The following BPTF variants were observed in gnomAD, a reference collection of about 807,000 sequenced individuals.
BPTF encodes the protein nucleosome-remodeling factor subunit BPTF.
In BPTF, 18 loss-of-function variants were observed where a neutral mutation model predicts 292.5. That is an observed-to-expected ratio of 0.06 (90% CI 0.04 to 0.09). The LOEUF is 0.09. Among genes scored for constraint, BPTF ranks in the 10% least tolerant of loss-of-function variants. The probability of loss-of-function intolerance (pLI) is 1.00; values close to 1 mark genes in which losing one functional copy is unlikely to be tolerated. For synonymous variants in BPTF, 1,225 were observed against 1,251.9 expected (o/e 0.98, Z 0.45); for missense variants, 2,726 against 3,498.7 (o/e 0.78, Z 5.57).
At chr17:67,891,152 A>G (rs911614322) in intron 4 of BPTF, among the ~76,000 whole-genome samples, 7 of 152,094 alleles carry the variant, frequency 4.6e-5, no homozygotes, top group African/African-American at 1.7e-4. Flanking sequence ...ACTGCACTCC[A>G]GCCTGAGCAA....
intron 24 of BPTF, 57 bp downstream of exon 24, chr17:67,959,932 G>A: frequency 7.8e-7 from 1 of 1,281,568 alleles, no homozygotes; most frequent in Non-Finnish European, 1.1e-6. Flanking sequence ...CTATTAAATT[G>A]GATTTTGAAG....
intron 1 of BPTF, among the ~76,000 whole-genome samples, chr17:67,842,815 G>A (rs1368561926): frequency 3.1e-5 from 2 of 64,816 alleles, no homozygotes; most frequent in East Asian, 1.4e-3. Flanking sequence ...AACAATTAAG[G>A]CCAAAAAAAA....
chr17:67,943,295 T>G (rs2065537201), intron 19 of BPTF, among the ~76,000 whole-genome samples: 1 of 152,196 alleles, frequency 6.6e-6, no homozygotes, highest in Non-Finnish European at 1.5e-5. Flanking sequence ...TTTTGAGGGA[T>G]TCACATGTAT....
chr17:67,897,012 A>G (rs905407201), intron 7 of BPTF, among the ~76,000 whole-genome samples: 6 of 152,144 alleles, frequency 3.9e-5, no homozygotes, highest in African/African-American at 1.4e-4. Context: ...GAAATAATAC[A>G]GCACAAATAA....
intron 9 of BPTF, among the ~76,000 whole-genome samples, chr17:67,908,524 A>C (rs1372655381): frequency 3.3e-5 from 3 of 91,478 alleles, no homozygotes; most frequent in East Asian, 3.4e-4. Flanking sequence ...ATGGAGTCTC[A>C]CTCTGTCACC....
At position 67,911,560 on chromosome 17, in the gene BPTF, A is replaced by T; in HGVS notation, c.3676A>T (p.Ile1226Phe). ...CTCTAAACTAGCCAGTGCAGATGAT[A>T]TTGGTACTTTGATCTGTAAGAACAA... ...DDSKLASADD[I>F]GTLICKNKKP... Residue 1226 changes from isoleucine to phenylalanine, a missense_variant, in exon 11 of 28, where the codon ATT (isoleucine) becomes TTT (phenylalanine). Ile to Phe is a conservative substitution (Grantham distance 21). Transcript: ENST00000306378. 1 of 1,614,146 alleles carries T rather than the reference A, an allele frequency of 6.2e-7. No individual in the cohort carries two copies. Among genetic ancestry groups the T allele is most frequent in the Non-Finnish European group, 8.5e-7 (1 of 1,180,006 alleles).
In BPTF at chr17:67,911,215, G is replaced by A. The variant is rs2146915274; in HGVS notation, c.3331G>A (p.Ala1111Thr). The A allele has an allele frequency of 6.2e-7, 1 of 1,613,886 alleles. No individual in the cohort carries two copies. The highest frequency in any genetic ancestry group is 2.2e-5 in the East Asian group (1 of 44,854). ...CTCTGAATCACCAGTAATAACGAAAGCAAAAGAAGGGTGTCAGAGTGACTC... is the reference window on the plus strand; with the variant it reads ...CTCTGAATCACCAGTAATAACGAAAACAAAAGAAGGGTGTCAGAGTGACTC... ...NLSESPVITKAKEGCQSDSMR... is the reference protein window; with the variant it reads ...NLSESPVITKTKEGCQSDSMR... The change falls in exon 11 of 28, where the codon GCA becomes ACA. Residue 1111 changes from alanine (A) to threonine (T), a missense_variant. This residue lies in a region of BPTF where 713 missense variants were observed against 714.9 expected (regional missense o/e 1.00). Transcript: ENST00000306378.
rs201802525 is a variant in BPTF at position 67,965,902 on chromosome 17, T to TA, written c.8455-661dup. 1.3e-4 allele frequency: 20 copies of TA among 149,802 alleles called. No homozygotes were observed. In the East Asian group the frequency reaches 2.0e-3, roughly 15 times the overall value. 9.3% of individuals were successfully genotyped at this position (149,802 alleles called of 1,614,324 possible). A position where few individuals can be genotyped will look rare whatever the true frequency, so the allele number is the denominator to read the frequency against. On this transcript the variant is annotated intron_variant, in intron 25 of 27. Coordinates refer to ENST00000306378, the MANE Select transcript of BPTF (RefSeq NM_182641.4). ...TGAGACCCCCACCTCTACAAAACAT[T>TA]AAAAAAAAATGAGCTGCACATGTTG...
At chr17:67,869,283 G>GA (rs923477944) in intron 3 of BPTF, among the ~76,000 whole-genome samples, 1 of 151,682 alleles carries the variant, frequency 6.6e-6, no homozygotes, top group South Asian at 2.1e-4. Flanking sequence ...ATAAAAAATA[G>GA]AAAAAACAAA....
intron 2 of BPTF, among the ~76,000 whole-genome samples, chr17:67,865,768 C>CT: frequency 6.6e-6 from 1 of 152,132 alleles, no homozygotes; most frequent in Non-Finnish European, 1.5e-5. Flanking sequence ...CTGTTGAAGT[C>CT]TTTAACTCCA....
intron 3 of BPTF, among the ~76,000 whole-genome samples, chr17:67,871,919 A>G (rs9912084): frequency 2.0e-5 from 3 of 151,814 alleles, no homozygotes; most frequent in African/African-American, 4.8e-5. Flanking sequence ...TCTGTCTCCT[A>G]GGTTCAAGCA....
At chr17:67,981,565 A>T (rs1251449745) in intron 27 of BPTF, 1 of 1,072,608 alleles carries the variant, frequency 9.3e-7, no homozygotes, top group African/African-American at 1.7e-5. Flanking sequence ...AGTTAATATA[A>T]TTTTTTAATG....
At chr17:67,973,037 T>TA (rs2068946725) in intron 26 of BPTF, among the ~76,000 whole-genome samples, 1 of 143,090 alleles carries the variant, frequency 7.0e-6, no homozygotes, top group South Asian at 2.2e-4. Flanking sequence ...ATATATATAT[T>TA]TATATATATA....
intron 1 of BPTF, among the ~76,000 whole-genome samples, chr17:67,832,535 T>G (rs1315403231): frequency 6.6e-6 from 1 of 152,156 alleles, no homozygotes; most frequent in Non-Finnish European, 1.5e-5. Flanking sequence ...AATTCAGTTT[T>G]TAAAAGGTAA....
At chr17:67,895,892 T>C (rs11653472) in intron 7 of BPTF, among the ~76,000 whole-genome samples, 125,620 of 151,996 alleles carry the variant, frequency 0.83, 55,081 homozygotes, top group South Asian at 0.97. Context: ...GAAGACATTA[T>C]AGCAGGGTGT....
chr17:67,949,786 G>A (rs556227008), intron 23 of BPTF, among the ~76,000 whole-genome samples: 14 of 151,500 alleles, frequency 9.2e-5, no homozygotes, highest in African/African-American at 3.2e-4. Flanking sequence ...GGCCAGACAC[G>A]GTGTCTCACG....
At chr17:67,967,612 G>A (rs1026772720) in intron 26 of BPTF, among the ~76,000 whole-genome samples, 1 of 152,064 alleles carries the variant, frequency 6.6e-6, no homozygotes, top group Admixed American at 6.6e-5. Flanking sequence ...CCTGAGGTCA[G>A]GAGTTCGAGA....
intron 1 of BPTF, among the ~76,000 whole-genome samples, chr17:67,852,426 GAT>G (rs1349247557): frequency 1.3e-5 from 2 of 150,976 alleles, no homozygotes; most frequent in African/African-American, 4.9e-5. Flanking sequence ...TGACCTCTTA[GAT>G]ATATATATAC....
At chr17:67,928,664 A>G (rs1309571015) in intron 16 of BPTF, 63 bp downstream of exon 16, 11 of 1,493,190 alleles carry the variant, frequency 7.4e-6, no homozygotes, top group Non-Finnish European at 9.0e-6. Context: ...TCAACCCTTT[A>G]GCTACTGAAA....
Sources: gnomAD v4.1 joint callset for allele counts (sites outside exome capture counted in the v4.1 genomes callset) on GRCh38, gnomAD v4.1.1 for gene constraint, gnomAD v4.1.1 regional missense constraint, MANE v1.5 for transcripts, NCBI Gene and HGNC (gene_info 2026-07-23, HGNC 2026-07-21) for gene names.